IFNGR2: variants seen among roughly 807,000 people sequenced by gnomAD.
The protein encoded by IFNGR2 is IFN-gamma receptor 2.
A neutral mutation model predicts 41.1 loss-of-function variants in IFNGR2; 15 were observed. The ratio of observed to expected loss-of-function variants is 0.37; its 90% CI spans 0.24 to 0.56. IFNGR2 has a LOEUF of 0.56. Among genes scored for constraint, IFNGR2 ranks in the 20% least tolerant of loss-of-function variants. The pLI is 0.81. For synonymous variants in IFNGR2, 161 were observed against 171.6 expected (o/e 0.94, Z 0.48); for missense variants, 362 against 415.7 (o/e 0.87, Z 1.12).
At chr21:33,414,206 C>A (rs964353476) in intron 1 of IFNGR2, among the ~76,000 whole-genome samples, 1 of 152,104 alleles carries the variant, frequency 6.6e-6, no homozygotes, top group Non-Finnish European at 1.5e-5. Context: ...TTCCTGGGGG[C>A]CTCAGGACCT....
intron 1 of IFNGR2, among the ~76,000 whole-genome samples, chr21:33,409,150 C>T (rs2083698816): frequency 6.8e-6 from 1 of 146,182 alleles, no homozygotes; most frequent in Non-Finnish European, 1.5e-5. Context: ...ACACTCTAGC[C>T]TGGGTGACAG....
chr21:33,421,361 A>G, intron 2 of IFNGR2, 119 bp from the exon 3 acceptor site: 2 of 726,990 alleles, frequency 2.8e-6, no homozygotes, highest in South Asian at 3.1e-5. Context: ...GCGGGGGGGA[A>G]CTGTATGGTA....
intron 1 of IFNGR2, chr21:33,410,902 G>A: frequency 6.5e-7 from 1 of 1,527,766 alleles, no homozygotes; most frequent in East Asian, 2.5e-5. Flanking sequence ...GGTAAGACAA[G>A]AGTATCTGGG....
chr21:33,430,838 C>T (rs1039455952), intron 4 of IFNGR2, among the ~76,000 whole-genome samples: 1 of 152,160 alleles, frequency 6.6e-6, no homozygotes, highest in Admixed American at 6.5e-5. Flanking sequence ...GCCTTGTCTT[C>T]CCATGTTTTC....
intron 1 of IFNGR2, among the ~76,000 whole-genome samples, chr21:33,405,658 G>A (rs4817565): frequency 0.1 from 15,340 of 152,184 alleles, 1,000 homozygotes; most frequent in East Asian, 0.26. Flanking sequence ...CCAGCTACCT[G>A]TCCATCTTGT....
Position 33,421,566 on chromosome 21 carries a change from C to A in IFNGR2, c.293C>A (p.Ala98Asp). The change falls in exon 3 of 7, where the codon GCC becomes GAC. Residue 98 changes from alanine to aspartate, a missense_variant. By Grantham distance (126) the Ala-to-Asp change is moderately radical. Transcript: ENST00000290219. ...ACAGCAACAGAGTGTGACTTCACTGCCGCCAGTCCCTCAGCAGGCTTCCCA... is the reference window on the plus strand; with the variant it reads ...ACAGCAACAGAGTGTGACTTCACTGACGCCAGTCCCTCAGCAGGCTTCCCA... Reference protein sequence around the residue: ...QITATECDFTAASPSAGFPMD... With the variant: ...QITATECDFTDASPSAGFPMD... 1 of 1,613,952 alleles carries A rather than the reference C, an allele frequency of 6.2e-7. No homozygotes were observed. The highest frequency in any genetic ancestry group is 8.5e-7 in the Non-Finnish European group (1 of 1,179,870).
At chr21:33,424,416 G>A (rs950005566) in intron 3 of IFNGR2, among the ~76,000 whole-genome samples, 5 of 152,318 alleles carry the variant, frequency 3.3e-5, no homozygotes, top group Middle Eastern at 3.4e-3. Context: ...GCTTCCGGCC[G>A]GAGTCAAGCA....
chr21:33,420,243 G>A (rs1271330639), intron 2 of IFNGR2, among the ~76,000 whole-genome samples: 1 of 151,934 alleles, frequency 6.6e-6, no homozygotes, highest in East Asian at 1.9e-4. Flanking sequence ...ATACAGAGCG[G>A]TCTCCAGTCT....
rs2040120 is a variant in IFNGR2 at position 33,436,742 on chromosome 21, T to A, written c.880-86T>A. On this transcript the variant is annotated intron_variant, in intron 6 of 6. Transcript: ENST00000290219. ...CTCAAAAAAAAAATAAAAATAAAAA[T>A]AAAATAAAAACAAAAACTAAAGTTA... is the stretch of plus-strand genomic sequence containing the variant. 0.5 allele frequency: 551,167 copies of A among 1,102,270 alleles called. 143,171 individuals are homozygous for A. The highest frequency in any genetic ancestry group is 0.82 in the East Asian group (31,507 of 38,360). 68.3% of individuals were successfully genotyped at this position (1,102,270 alleles called of 1,614,324 possible). A position where few individuals can be genotyped will look rare whatever the true frequency, so the allele number is the denominator to read the frequency against.
In IFNGR2 at chr21:33,432,246, C is replaced by G; in HGVS notation, c.631C>G (p.Gln211Glu). The G allele has an allele frequency of 6.2e-7, 1 of 1,613,790 alleles. No individual in the cohort carries two copies. ...AAAACCCTCCAGAGTGTACTGTTTA[C>G]AAGTCCAGGCACAACTGCTTTGGAA... is the stretch of plus-strand genomic sequence containing the variant. ...NLKPSRVYCL[Q>E]VQAQLLWNKS... The change falls in exon 5 of 7, where the codon CAA becomes GAA. Residue 211 changes from glutamine (Q) to glutamate (E), a missense_variant. Physicochemically the swap from Gln to Glu is conservative, Grantham distance 29. Transcript: ENST00000290219.
At chr21:33,422,902 A>AG (rs2083805142) in intron 3 of IFNGR2, among the ~76,000 whole-genome samples, 1 of 139,974 alleles carries the variant, frequency 7.1e-6, no homozygotes, top group Non-Finnish European at 1.6e-5. Flanking sequence ...AAAAAAAAAA[A>AG]GCAAAATAAT....
At chr21:33,431,662 C>T (rs754911569) in intron 4 of IFNGR2, among the ~76,000 whole-genome samples, 1 of 152,234 alleles carries the variant, frequency 6.6e-6, no homozygotes, top group Non-Finnish European at 1.5e-5. Context: ...CCCTCTGCCT[C>T]CTGGTCCAAG....
chr21:33,405,224 TATC>T (rs2083669666), intron 1 of IFNGR2, among the ~76,000 whole-genome samples: 1 of 152,178 alleles, frequency 6.6e-6, no homozygotes, highest in Non-Finnish European at 1.5e-5. Flanking sequence ...GGGAGAGTGA[TATC>T]ATAGGAGTCT....
intron 1 of IFNGR2, among the ~76,000 whole-genome samples, chr21:33,407,874 C>T (rs1429137811): frequency 2.0e-5 from 3 of 148,228 alleles, no homozygotes; most frequent in Non-Finnish European, 4.5e-5. Flanking sequence ...CCGCCAGCCT[C>T]AGCCTCCCAA....
In IFNGR2 at chr21:33,418,241, G is replaced by C. The variant is rs536935234; in HGVS notation, c.206+3221G>C. On this transcript the variant is annotated intron_variant, in intron 2 of 6. Coordinates refer to ENST00000290219, the MANE Select transcript of IFNGR2 (RefSeq NM_005534.4). Reference sequence around the variant, plus strand: ...CCGGCTGATTTTTATATTTTTAGTAGAGACAGCTTTTCACCATGTTGGCCA... The same window carrying C: ...CCGGCTGATTTTTATATTTTTAGTACAGACAGCTTTTCACCATGTTGGCCA... Among the ~76,000 whole-genome samples, 3 of 152,206 alleles carry C rather than the reference G, an allele frequency of 2.0e-5. No homozygotes were observed. In the East Asian group the frequency reaches 5.8e-4, roughly 29 times the overall value.
chr21:33,404,002 C>T (rs2123323301), intron 1 of IFNGR2, among the ~76,000 whole-genome samples: 1 of 152,332 alleles, frequency 6.6e-6, no homozygotes, highest in South Asian at 2.1e-4. Flanking sequence ...AGCCGGTAAC[C>T]TCGGCTGCGC....
At chr21:33,433,686 G>A (rs1483687262) in intron 6 of IFNGR2, among the ~76,000 whole-genome samples, 1 of 152,078 alleles carries the variant, frequency 6.6e-6, no homozygotes, top group Admixed American at 6.6e-5. Flanking sequence ...GATGGATGGT[G>A]GTCATGATTG....
intron 1 of IFNGR2, among the ~76,000 whole-genome samples, chr21:33,405,036 T>A (rs1265300736): frequency 6.7e-6 from 1 of 148,906 alleles, no homozygotes; most frequent in Admixed American, 6.7e-5. Context: ...GGAGAATCAC[T>A]TGAACCCGAG....
chr21:33,403,943 C>T (rs2083659443), intron 1 of IFNGR2, among the ~76,000 whole-genome samples: 1 of 152,162 alleles, frequency 6.6e-6, no homozygotes, highest in Non-Finnish European at 1.5e-5. Flanking sequence ...GGCGTCCTGG[C>T]CGCCGGGACA....
Sources: gnomAD v4.1 joint callset for allele counts (sites outside exome capture counted in the v4.1 genomes callset) on GRCh38, gnomAD v4.1.1 for gene constraint, MANE v1.5 for transcripts, NCBI Gene and HGNC (gene_info 2026-07-23, HGNC 2026-07-21) for gene names.